Variants in UBE2E3 observed in about 807,000 individuals in gnomAD.
UBE2E3 encodes the protein ubiquitin conjugating enzyme E2 E3.
UBE2E3 carries 5 observed loss-of-function variants against 23.6 expected under a neutral mutation model. The ratio of observed to expected loss-of-function variants is 0.21; its 90% CI spans 0.11 to 0.44. UBE2E3 has a LOEUF of 0.44. Among genes scored for constraint, UBE2E3 ranks in the 20% least tolerant of loss-of-function variants. UBE2E3 has a pLI of 0.99. For missense variants in UBE2E3, 81 were observed against 249.8 expected (o/e 0.32, Z 4.55); for synonymous variants, 78 against 87.5 (o/e 0.89, Z 0.60).
chr2:181,027,554 T>G (rs923794847), intron 3 of UBE2E3, among the ~76,000 whole-genome samples: 2 of 152,014 alleles, frequency 1.3e-5, no homozygotes, highest in African/African-American at 4.8e-5. Flanking sequence ...TTTAAATTTG[T>G]CTTTCAAGCA....
chr2:180,994,599 A>T (rs1178900915), intron 3 of UBE2E3, among the ~76,000 whole-genome samples: 1 of 152,170 alleles, frequency 6.6e-6, no homozygotes, highest in Non-Finnish European at 1.5e-5. Context: ...CCCCACAGTT[A>T]TTTGAGTGAG....
intron 3 of UBE2E3, among the ~76,000 whole-genome samples, chr2:181,021,577 TCCCTCCCTTCCTTCCTCCCTC>T (rs1559124299): frequency 1.2e-4 from 13 of 104,082 alleles, no homozygotes; most frequent in Non-Finnish European, 2.0e-4. Flanking sequence ...CCTTCCTCCC[TCCCTCCCTTCCTTCCTCCCTC>T]CCTTCCTTCC....
At position 181,058,662 on chromosome 2, in the gene UBE2E3, G is replaced by A. The variant is rs941503956; in HGVS notation, c.378+837G>A. 2.6e-5 allele frequency among the ~76,000 whole-genome samples: 4 copies of A among 151,650 alleles called. 1 individual carries two copies. Among genetic ancestry groups the A allele is most frequent in the Admixed American group, 2.6e-4 (4 of 15,206 alleles). ...TTTCTTTTCCAACATGGTGACTTTT[G>A]TTCTCTGTACTTTTAAAAATTTATG... On this transcript the variant is annotated intron_variant, in intron 4 of 5. Transcript: ENST00000410062.
chr2:181,046,063 A>G (rs1396718452), intron 3 of UBE2E3, among the ~76,000 whole-genome samples: 2 of 152,112 alleles, frequency 1.3e-5, no homozygotes, highest in Non-Finnish European at 2.9e-5. Context: ...TCTGTTCATC[A>G]CTGTATTTTC....
At chr2:181,011,330 G>A (rs1325385898) in intron 3 of UBE2E3, among the ~76,000 whole-genome samples, 2 of 152,014 alleles carry the variant, frequency 1.3e-5, no homozygotes, top group African/African-American at 4.8e-5. Flanking sequence ...GGAGAAAACG[G>A]GGGTGATAAG....
intron 3 of UBE2E3, among the ~76,000 whole-genome samples, chr2:180,988,585 C>G (rs1244598963): frequency 6.6e-6 from 1 of 152,116 alleles, no homozygotes; most frequent in Non-Finnish European, 1.5e-5. Context: ...GGGATTATAT[C>G]AGCAGTTGTA....
rs115684901 is a variant in UBE2E3 at position 180,987,051 on chromosome 2, C to T, written c.245+2958C>T. Among the ~76,000 whole-genome samples, 1,290 of 151,950 alleles carry T rather than the reference C, an allele frequency of 8.5e-3. 21 individuals are homozygous for T. The highest frequency in any genetic ancestry group is 0.03 in the African/African-American group (1,223 of 41,416). On this transcript the variant is annotated intron_variant, in intron 3 of 5. Transcript: ENST00000410062. ...TTGATAGCATTGATATTTCTTTTCC[C>T]GATAGTGTAAAAGTTTGATAATGAC...
At chr2:181,013,433 C>G (rs73037095) in intron 3 of UBE2E3, among the ~76,000 whole-genome samples, 5,741 of 150,716 alleles carry the variant, frequency 0.038, 300 homozygotes, top group East Asian at 0.19. Context: ...AGGTGGCTCA[C>G]TCACATAAAA....
chr2:181,015,202 A>G (rs1342131548), intron 3 of UBE2E3, among the ~76,000 whole-genome samples: 6 of 152,232 alleles, frequency 3.9e-5, no homozygotes, highest in Non-Finnish European at 8.8e-5. Context: ...AATTTAGTAT[A>G]AAATTCAGGA....
intron 3 of UBE2E3, among the ~76,000 whole-genome samples, chr2:181,010,647 T>C (rs901699402): frequency 6.6e-6 from 1 of 152,196 alleles, no homozygotes; most frequent in African/African-American, 2.4e-5. Flanking sequence ...TCTTATACTT[T>C]ACTTTTTCTA....
At chr2:180,984,245 A>C (rs1461465200) in intron 3 of UBE2E3, 152 bp downstream of exon 3, 2 of 560,196 alleles carry the variant, frequency 3.6e-6, no homozygotes, top group Admixed American at 6.4e-5. Context: ...AAGGTGAACT[A>C]GATAAAATTG....
chr2:181,022,865 A>G (rs1397261068), intron 3 of UBE2E3, among the ~76,000 whole-genome samples: 2 of 152,160 alleles, frequency 1.3e-5, no homozygotes, highest in Non-Finnish European at 2.9e-5. Flanking sequence ...TGACTGCAAA[A>G]GCCCCTAGTA....
In UBE2E3 at chr2:181,025,813, C is replaced by G. The variant is rs75064375; in HGVS notation, c.246-31880C>G. Among the ~76,000 whole-genome samples, 1,498 of 151,956 alleles carry G rather than the reference C, an allele frequency of 9.9e-3. 70 individuals carry two copies. The East Asian group carries it at 0.13, about 13-fold the overall frequency. On this transcript the variant is annotated intron_variant, in intron 3 of 5. Transcript: ENST00000410062. ...TTTCATACCAAGTCTTCTATAAGAA[C>G]AATTCTAATGTCAATGTAGAGCCCT... is the stretch of plus-strand genomic sequence containing the variant.
rs146896062 is a variant in UBE2E3 at position 180,989,999 on chromosome 2, A to C, written c.245+5906A>C. ...ATAAAAACATAATAAAATCACTTGT[A>C]AATCTAGAGAAATAGAAAGTGATTT... On this transcript the variant is annotated intron_variant, in intron 3 of 5. Transcript: ENST00000410062. 7.2e-6 allele frequency: 11 copies of C among 1,518,230 alleles called. No individual in the cohort carries two copies. The Admixed American group carries it at 2.3e-4, about 32-fold the overall frequency. The allele number at this position is 1,518,230 out of a possible 1,614,324, so 94.0% of individuals were successfully genotyped here.
At chr2:181,053,406 G>A (rs1324844778) in intron 3 of UBE2E3, among the ~76,000 whole-genome samples, 1 of 151,698 alleles carries the variant, frequency 6.6e-6, no homozygotes, top group Non-Finnish European at 1.5e-5. Flanking sequence ...CCTGATTTCA[G>A]AACAAATTTT....
At chr2:181,042,764 A>T (rs879464955) in intron 3 of UBE2E3, among the ~76,000 whole-genome samples, 1 of 152,226 alleles carries the variant, frequency 6.6e-6, no homozygotes, top group African/African-American at 2.4e-5. Flanking sequence ...TGTGCTAAGT[A>T]TCTGGGTTGG....
intron 3 of UBE2E3, among the ~76,000 whole-genome samples, chr2:181,044,897 GAATT>G (rs1574215929): frequency 6.6e-6 from 1 of 152,106 alleles, no homozygotes; most frequent in Admixed American, 6.6e-5. Flanking sequence ...TAATGTTCTA[GAATT>G]AATAATACAT....
At chr2:181,005,226 G>C (rs182784146) in intron 3 of UBE2E3, among the ~76,000 whole-genome samples, 453 of 152,256 alleles carry the variant, frequency 3.0e-3, no homozygotes, top group African/African-American at 0.01. Context: ...TCCATGATTA[G>C]ACAGACTTTC....
intron 3 of UBE2E3, among the ~76,000 whole-genome samples, chr2:181,057,059 C>T (rs997209199): frequency 2.0e-5 from 3 of 151,628 alleles, no homozygotes; most frequent in South Asian, 2.1e-4. Flanking sequence ...CTGCAAAAAA[C>T]GTTAATGTTA....
Sources: gnomAD v4.1 joint callset for allele counts (sites outside exome capture counted in the v4.1 genomes callset) on GRCh38, gnomAD v4.1.1 for gene constraint, MANE v1.5 for transcripts, NCBI Gene and HGNC (gene_info 2026-07-23, HGNC 2026-07-21) for gene names.